ASAP1: variants seen among roughly 807,000 people sequenced by gnomAD.
The protein encoded by ASAP1 is ArfGAP with SH3 domain, ankyrin repeat and PH domain 1.
ASAP1 carries 43 observed loss-of-function variants against 145.2 expected under a neutral mutation model. The ratio of observed to expected loss-of-function variants is 0.30; its 90% CI spans 0.23 to 0.38. ASAP1 has a LOEUF of 0.38. Among genes scored for constraint, ASAP1 ranks in the 10% least tolerant of loss-of-function variants. ASAP1 has a pLI of 1.00. For synonymous variants in ASAP1, 546 were observed against 515.5 expected (o/e 1.06, Z -0.80); for missense variants, 1,018 against 1,355.3 (o/e 0.75, Z 3.91).
At chr8:130,255,474 T>G (rs1264281600) in intron 3 of ASAP1, among the ~76,000 whole-genome samples, 1 of 152,330 alleles carries the variant, frequency 6.6e-6, no homozygotes, top group East Asian at 1.9e-4. Context: ...TTTTCCTGCA[T>G]GTGCATGGCT....
At chr8:130,418,555 TAA>T (rs1335152239) in intron 1 of ASAP1, among the ~76,000 whole-genome samples, 1 of 151,290 alleles carries the variant, frequency 6.6e-6, no homozygotes, top group Non-Finnish European at 1.5e-5. Flanking sequence ...AATAAATAAA[TAA>T]ATAAATAAAT....
intron 1 of ASAP1, among the ~76,000 whole-genome samples, chr8:130,416,158 C>T (rs1829465811): frequency 1.3e-5 from 2 of 152,254 alleles, no homozygotes; most frequent in East Asian, 1.9e-4. Flanking sequence ...ACAGGCCCGA[C>T]GCCACTCCCC....
rs79384410 is a variant in ASAP1 at position 130,157,999 on chromosome 8, A to T, written c.1010+1865T>A. On this transcript the variant is annotated intron_variant, in intron 12 of 29. Transcript: ENST00000518721. ...CAATGCTGTATTCTCAGGACCTAGA[A>T]GAGTGAGTCCTAGACATACAGCAGG... is the stretch of plus-strand genomic sequence containing the variant. 8.0e-3 allele frequency among the ~76,000 whole-genome samples: 1,222 copies of T among 152,320 alleles called. 20 individuals carry two copies. The highest frequency in any genetic ancestry group is 0.028 in the African/African-American group (1,170 of 41,566).
chr8:130,079,674 G>C (rs1285082753), intron 26 of ASAP1, among the ~76,000 whole-genome samples: 2 of 151,986 alleles, frequency 1.3e-5, no homozygotes, highest in Admixed American at 1.3e-4. Flanking sequence ...CTGTGAACTG[G>C]GTAGACAGCG....
In ASAP1 at chr8:130,258,188, A is replaced by T. The variant is rs141331330; in HGVS notation, c.187-21194T>A. Reference sequence around the variant, plus strand: ...TGCTGACACCTGGCCCCAGCTCCATAATGGAAGACGTTAGGGCACGTTTAG... The same window carrying T: ...TGCTGACACCTGGCCCCAGCTCCATTATGGAAGACGTTAGGGCACGTTTAG... On this transcript the variant is annotated intron_variant, in intron 3 of 29. Coordinates refer to ENST00000518721, the MANE Select transcript of ASAP1 (RefSeq NM_018482.4). Among the ~76,000 whole-genome samples, 30 of 152,252 alleles carry T rather than the reference A, an allele frequency of 2.0e-4. 1 individual carries two copies. In the East Asian group the frequency reaches 5.6e-3, roughly 28 times the overall value.
At chr8:130,061,988 TG>T (rs949231788) in intron 27 of ASAP1, among the ~76,000 whole-genome samples, 1 of 152,246 alleles carries the variant, frequency 6.6e-6, no homozygotes, top group African/African-American at 2.4e-5. Context: ...TGCAATTTAC[TG>T]ATCTCTTAAA....
intron 11 of ASAP1, among the ~76,000 whole-genome samples, chr8:130,165,847 G>A (rs933463085): frequency 6.6e-6 from 1 of 152,206 alleles, no homozygotes; most frequent in Admixed American, 6.5e-5. Flanking sequence ...AGTGTCACTA[G>A]TGCAGGGCTT....
intron 3 of ASAP1, among the ~76,000 whole-genome samples, chr8:130,333,652 A>G (rs1381390352): frequency 6.6e-6 from 1 of 152,172 alleles, no homozygotes; most frequent in African/African-American, 2.4e-5. Flanking sequence ...GGCTGTAACA[A>G]TTTTTTTAAA....
At chr8:130,223,225 C>A (rs1210076243) in intron 4 of ASAP1, among the ~76,000 whole-genome samples, 1 of 152,146 alleles carries the variant, frequency 6.6e-6, no homozygotes, top group African/African-American at 2.4e-5. Context: ...CACAACCAAG[C>A]ACAACCTAGA....
At chr8:130,227,553 C>T (rs1346292686) in intron 4 of ASAP1, among the ~76,000 whole-genome samples, 1 of 151,940 alleles carries the variant, frequency 6.6e-6, no homozygotes, top group Non-Finnish European at 1.5e-5. Context: ...CCACACTGCA[C>T]CTGGACTCTC....
intron 15 of ASAP1, among the ~76,000 whole-genome samples, chr8:130,133,957 T>C (rs548891119): frequency 6.6e-6 from 1 of 152,200 alleles, no homozygotes; most frequent in African/African-American, 2.4e-5. Context: ...GCACGGTCCT[T>C]GCCCTCGAAA....
At chr8:130,069,102 A>C (rs2097436367) in intron 27 of ASAP1, among the ~76,000 whole-genome samples, 3 of 152,234 alleles carry the variant, frequency 2.0e-5, no homozygotes, top group Non-Finnish European at 1.5e-5. Flanking sequence ...AAATAAGGTG[A>C]AGAAAACACT....
chr8:130,088,510 A>G lies in ASAP1; in HGVS notation c.2572+3463T>C, dbSNP rs190576613. Among the ~76,000 whole-genome samples the G allele has an allele frequency of 3.3e-4, 50 of 152,276 alleles. 1 individual carries two copies. The East Asian group carries it at 7.7e-3, about 23-fold the overall frequency. On this transcript the variant is annotated intron_variant, in intron 25 of 29. Coordinates refer to ENST00000518721, the MANE Select transcript of ASAP1 (RefSeq NM_018482.4). ...AGGCGGCGGCAGTGGGGAGATGACC[A>G]TGAAGGCAGAGGCTGCACCACTCCA...
At chr8:130,221,784 T>G (rs1453313280) in intron 4 of ASAP1, among the ~76,000 whole-genome samples, 1 of 152,206 alleles carries the variant, frequency 6.6e-6, no homozygotes, top group Non-Finnish European at 1.5e-5. Context: ...AGGACAGGCC[T>G]AGGTTCAAAT....
intron 2 of ASAP1, among the ~76,000 whole-genome samples, chr8:130,385,141 C>T (rs1827952183): frequency 6.6e-6 from 1 of 152,122 alleles, no homozygotes; most frequent in South Asian, 2.1e-4. Context: ...AGGCACGTTG[C>T]TAGCTGGTGG....
chr8:130,091,346 G>A (rs1449664535), intron 25 of ASAP1, among the ~76,000 whole-genome samples: 1 of 152,168 alleles, frequency 6.6e-6, no homozygotes, highest in African/African-American at 2.4e-5. Flanking sequence ...TGCTGGCTGA[G>A]AACTCAAGGA....
intron 13 of ASAP1, among the ~76,000 whole-genome samples, chr8:130,139,752 CAAAAAACAAAAA>C (rs2097605144): frequency 7.0e-6 from 1 of 142,430 alleles, no homozygotes; most frequent in Non-Finnish European, 1.6e-5. Context: ...AACAAACAAA[CAAAAAACAAAAA>C]AAAAAAGAAA....
At chr8:130,362,539 C>G (rs1826768355) in intron 2 of ASAP1, among the ~76,000 whole-genome samples, 1 of 152,070 alleles carries the variant, frequency 6.6e-6, no homozygotes, top group African/African-American at 2.4e-5. Flanking sequence ...ATGTGAATTC[C>G]CTTTGAACTC....
At chr8:130,327,304 C>T (rs945536860) in intron 3 of ASAP1, among the ~76,000 whole-genome samples, 1 of 152,168 alleles carries the variant, frequency 6.6e-6, no homozygotes, top group Non-Finnish European at 1.5e-5. Context: ...AACTGTTGTA[C>T]CAAAATTGTT....
Sources: allele counts gnomAD v4.1 joint callset (sites outside exome capture counted in the v4.1 genomes callset), GRCh38; gene constraint gnomAD v4.1.1; transcripts MANE v1.5; gene names NCBI Gene and HGNC (gene_info 2026-07-23, HGNC 2026-07-21).